Variants in RAB27B observed in about 807,000 individuals in gnomAD.
RAB27B encodes RAB27B, member RAS oncogene family.
A neutral mutation model predicts 24.6 loss-of-function variants in RAB27B; 15 were observed. That is an observed-to-expected ratio of 0.61 (90% CI 0.41 to 0.94). The LOEUF is 0.94. RAB27B is among the 40% of genes least tolerant of loss of function. The pLI is 0.00. For missense variants in RAB27B, 261 were observed against 266.8 expected, an observed-to-expected ratio of 0.98 and a Z score of 0.15; for synonymous variants, 105 against 92.5, an observed-to-expected ratio of 1.14 and a Z score of -0.78.
In RAB27B at chr18:54,889,392, A is replaced by G. The variant is rs776538289; in HGVS notation, c.636A>G (p.Pro212=). Residue 212 remains proline, a synonymous_variant, in exon 6 of 6, where the codon CCA becomes CCG. Transcript: ENST00000262094. Reference sequence around the variant, plus strand: ...GAAACTTGGATGGGGAAAAGCCACCAGAGAAGAAATGTATCTGCTAGACTC... The same window carrying G: ...GAAACTTGGATGGGGAAAAGCCACCGGAGAAGAAATGTATCTGCTAGACTC... ...NSGNLDGEKP[P]EKKCIC The G allele has an allele frequency of 1.7e-5, 28 of 1,612,716 alleles. No individual in the cohort carries two copies. The highest frequency in any genetic ancestry group is 2.0e-5 in the Non-Finnish European group (23 of 1,179,232).
chr18:54,778,580 A>G (rs1343344808), intron 2 of RAB27B, among the ~76,000 whole-genome samples: 1 of 152,188 alleles, frequency 6.6e-6, no homozygotes, highest in African/African-American at 2.4e-5. Context: ...TCTAGGGATG[A>G]ATGATTCTGT....
At chr18:54,887,948 C>A in intron 4 of RAB27B, 47 bp from the exon 5 acceptor site, 2 of 1,587,058 alleles carry the variant, frequency 1.3e-6, no homozygotes, top group South Asian at 1.1e-5. Context: ...CATTTGACAT[C>A]ACTTATTTAT....
In RAB27B at chr18:54,894,921, G is replaced by T. The variant is rs1913509657; in HGVS notation, c.*5508G>T. The T allele has an allele frequency of 6.6e-6, 1 of 151,990 alleles. No homozygotes were observed. The highest frequency in any genetic ancestry group is 1.5e-5 in the Non-Finnish European group (1 of 67,964). 9.4% of individuals were successfully genotyped at this position (151,990 alleles called of 1,614,324 possible). A position where few individuals can be genotyped will look rare whatever the true frequency, so the allele number is the denominator to read the frequency against. Reference sequence around the variant, plus strand: ...AAGGCAACTTGAAGTCATTGTATTTGATTGAAAATGTTTAATACATCTCAT... The same window carrying T: ...AAGGCAACTTGAAGTCATTGTATTTTATTGAAAATGTTTAATACATCTCAT... On this transcript the variant is annotated 3_prime_UTR_variant, in exon 6 of 6. Transcript: ENST00000262094.
At chr18:54,748,897 G>T (rs563580919) in intron 2 of RAB27B, among the ~76,000 whole-genome samples, 1 of 152,296 alleles carries the variant, frequency 6.6e-6, no homozygotes, top group African/African-American at 2.4e-5. Context: ...ATAGAAGAAA[G>T]GTGTACAGAC....
At chr18:54,796,054 T>C (rs1357322341) in intron 2 of RAB27B, among the ~76,000 whole-genome samples, 1 of 152,162 alleles carries the variant, frequency 6.6e-6, no homozygotes, top group African/African-American at 2.4e-5. Flanking sequence ...CAAACACTGA[T>C]CTGCTTTCTA....
intron 1 of RAB27B, among the ~76,000 whole-genome samples, chr18:54,833,152 A>G (rs916774790): frequency 6.6e-6 from 1 of 151,798 alleles, no homozygotes; most frequent in African/African-American, 2.4e-5. Context: ...AGAGCAAAAG[A>G]TTATTTTCAC....
chr18:54,882,901 G>A (rs1912983718), intron 3 of RAB27B, among the ~76,000 whole-genome samples: 1 of 152,144 alleles, frequency 6.6e-6, no homozygotes, highest in African/African-American at 2.4e-5. Flanking sequence ...ATGGAGTGGT[G>A]ATAGGAGTAG....
intron 2 of RAB27B, among the ~76,000 whole-genome samples, chr18:54,773,190 A>G (rs1318072417): frequency 1.3e-5 from 2 of 152,346 alleles, no homozygotes; most frequent in East Asian, 3.9e-4. Flanking sequence ...AAGGAAATAA[A>G]TGTTTTTAGA....
At position 54,890,099 on chromosome 18, in the gene RAB27B, A is replaced by G. The variant is rs1339229545; in HGVS notation, c.*686A>G. 1 of 152,096 alleles carries G rather than the reference A, an allele frequency of 6.6e-6. No individual in the cohort carries two copies. Among genetic ancestry groups the G allele is most frequent in the Admixed American group, 6.6e-5 (1 of 15,230 alleles). 9.4% of individuals were successfully genotyped at this position (152,096 alleles called of 1,614,324 possible). On this transcript the variant is annotated 3_prime_UTR_variant, in exon 6 of 6. Transcript: ENST00000262094. ...ACTGTAAATGATGAAGTACAAGACA[A>G]ATACCCTGGGAAAAAAAATGAAAGT...
rs577987306 is a variant in RAB27B at position 54,727,795 on chromosome 18, C to T, written c.-20+9654C>T. Among the ~76,000 whole-genome samples the T allele has an allele frequency of 3.9e-5, 6 of 152,242 alleles. No individual in the cohort carries two copies. In the East Asian group the frequency reaches 7.7e-4, roughly 20 times the overall value. On this transcript the variant is annotated intron_variant, in intron 2 of 4. Transcript: ENST00000586570. ...TAAAACTGCTTATAGTTATATGTTTCGTTTCAGCATCAGTGAGAAAATATA... is the reference window on the plus strand; with the variant it reads ...TAAAACTGCTTATAGTTATATGTTTTGTTTCAGCATCAGTGAGAAAATATA...
intron 1 of RAB27B, among the ~76,000 whole-genome samples, chr18:54,866,618 C>T (rs942491345): frequency 6.6e-6 from 1 of 152,192 alleles, no homozygotes; most frequent in African/African-American, 2.4e-5. Context: ...TTTTACCTGG[C>T]AGACAGCCAG....
upstream of RAB27B, among the ~76,000 whole-genome samples, chr18:54,824,645 G>T (rs1910416232): frequency 6.6e-6 from 1 of 152,096 alleles, no homozygotes; most frequent in Non-Finnish European, 1.5e-5. Flanking sequence ...CATGACTTCT[G>T]CCCACAATCC....
chr18:54,874,392 T>C (rs1252747086), intron 1 of RAB27B, among the ~76,000 whole-genome samples: 1 of 152,178 alleles, frequency 6.6e-6, no homozygotes, highest in African/African-American at 2.4e-5. Context: ...TTTTCTCAGA[T>C]CCTTATTTCA....
intron 2 of RAB27B, among the ~76,000 whole-genome samples, chr18:54,774,998 A>C (rs1908672269): frequency 6.6e-6 from 1 of 152,200 alleles, no homozygotes; most frequent in Non-Finnish European, 1.5e-5. Context: ...GAATAAACAC[A>C]AAAAAAGCCT....
In RAB27B at chr18:54,893,623, G is replaced by A. The variant is rs1913456239; in HGVS notation, c.*4210G>A. ...GAAAATGGATATAGGCTATTCTCTG[G>A]GATGAGTGTCATTTCAATGCTTTAT... On this transcript the variant is annotated 3_prime_UTR_variant, in exon 6 of 6. Transcript: ENST00000262094. The A allele has an allele frequency of 6.6e-6, 1 of 151,918 alleles. No homozygotes were observed. The highest frequency in any genetic ancestry group is 2.4e-5 in the African/African-American group (1 of 41,378). The allele number at this position is 151,918 out of a possible 1,614,324, so 9.4% of individuals were successfully genotyped here. A position where few individuals can be genotyped will look rare whatever the true frequency, so the allele number is the denominator to read the frequency against.
rs191907308 is a variant in RAB27B, at chr18:54,736,274, T to C, written c.-20+18133T>C. 1.2e-4 allele frequency among the ~76,000 whole-genome samples: 19 copies of C among 152,294 alleles called. No homozygotes were observed. In the East Asian group the frequency reaches 2.9e-3, roughly 23 times the overall value. On this transcript the variant is annotated intron_variant, in intron 2 of 4. Transcript: ENST00000586570. ...AAACGGAATTGCTGCAAAAGTAACT[T>C]TCGTATTCAATAGAACCTAGTTTTA...
chr18:54,881,353 T>G (rs940215022), intron 3 of RAB27B, among the ~76,000 whole-genome samples: 9 of 152,118 alleles, frequency 5.9e-5, no homozygotes, highest in South Asian at 2.1e-4. Context: ...TGGAAAGTCC[T>G]TGGACGTGGG....
intron 1 of RAB27B, among the ~76,000 whole-genome samples, chr18:54,849,538 G>T (rs1240055070): frequency 6.6e-6 from 1 of 152,058 alleles, no homozygotes; most frequent in Non-Finnish European, 1.5e-5. Flanking sequence ...GCCCAACTTC[G>T]TGAAACCACT....
intron 2 of RAB27B, among the ~76,000 whole-genome samples, chr18:54,801,383 T>C (rs1016907111): frequency 6.6e-6 from 1 of 152,182 alleles, no homozygotes; most frequent in African/African-American, 2.4e-5. Flanking sequence ...AAAAAAACTA[T>C]AAAACTGATT....
Sources: gnomAD v4.1 joint callset for allele counts (sites outside exome capture counted in the v4.1 genomes callset) on GRCh38, gnomAD v4.1.1 for gene constraint, MANE v1.5 for transcripts, NCBI Gene and HGNC (gene_info 2026-07-23, HGNC 2026-07-21) for gene names.